Variants in SLC12A4 observed in about 807,000 individuals in gnomAD.
SLC12A4 encodes the protein electroneutral potassium-chloride cotransporter 1.
A neutral mutation model predicts 119.2 loss-of-function variants in SLC12A4; 84 were observed. That is an observed-to-expected ratio of 0.70 (90% CI 0.59 to 0.85). The LOEUF is 0.85. Ranked by LOEUF, SLC12A4 falls within the 40% of genes least tolerant of loss-of-function variation. SLC12A4 has a pLI of 0.00. For missense variants in SLC12A4, 1,298 were observed against 1,476.3 expected (o/e 0.88, Z 1.98); for synonymous variants, 599 against 604.6 (o/e 0.99, Z 0.14).
chr16:67,946,584 A>T lies in SLC12A4; in HGVS notation c.2291T>A (p.Val764Glu). The T allele has an allele frequency of 6.2e-6, 10 of 1,613,130 alleles. No homozygotes were observed. Among genetic ancestry groups the T allele is most frequent in the Non-Finnish European group, 8.5e-6 (10 of 1,179,978 alleles). Residue 764 changes from valine (V) to glutamate (E), a missense_variant, in exon 18 of 24, where the codon GTG becomes GAG. Physicochemically the swap from Val to Glu is moderately radical, Grantham distance 121. Transcript: ENST00000316341. ...EIEKVKGFCQVVVASKVREGL... is the reference protein window; with the variant it reads ...EIEKVKGFCQEVVASKVREGL... The stretch of plus-strand genomic sequence containing the variant: ...CTCCCGCACCTTGCTGGCCACCACC[A>T]CCTGGCAGAAGCCCTTCACCTTCTC...
rs774904892 is a variant in SLC12A4, at chr16:67,951,079, C to T, written c.1298-19G>A. 1.9e-6 allele frequency: 3 copies of T among 1,613,966 alleles called. No homozygotes were observed. Among genetic ancestry groups the T allele is most frequent in the Non-Finnish European group, 2.5e-6 (3 of 1,179,966 alleles). ...ATGATGCCTCCAAAAACAGATGAGACTCCCTCAGGGGCTCCCCGGGATTGG... is the reference window on the plus strand; with the variant it reads ...ATGATGCCTCCAAAAACAGATGAGATTCCCTCAGGGGCTCCCCGGGATTGG... On this transcript the variant is annotated intron_variant, in intron 9 of 23. Coordinates refer to ENST00000316341, the MANE Select transcript of SLC12A4 (RefSeq NM_005072.5). The surrounding 1 kb of genome is among the most constrained non-coding windows in gnomAD (Gnocchi z 5.2).
Position 67,951,539 on chromosome 16 carries a change from G to A in SLC12A4, c.1133-235C>T, listed in dbSNP as rs142464276. 12 of 611,250 alleles carry A rather than the reference G, an allele frequency of 2.0e-5. No individual in the cohort carries two copies. Among genetic ancestry groups the A allele is most frequent in the East Asian group, 8.3e-5 (3 of 36,064 alleles). 37.9% of individuals were successfully genotyped at this position (611,250 alleles called of 1,614,324 possible). On this transcript the variant is annotated intron_variant, in intron 8 of 23. Coordinates refer to ENST00000316341, the MANE Select transcript of SLC12A4 (RefSeq NM_005072.5). This position sits in a 1 kb window ranked among gnomAD's most constrained non-coding sequence, Gnocchi z 5.2. ...CGTCACCCAGAGCCCGCCACTGCCCGCCTTCCACAGAGGCCTTTATGGATC... is the reference window on the plus strand; with the variant it reads ...CGTCACCCAGAGCCCGCCACTGCCCACCTTCCACAGAGGCCTTTATGGATC...
Position 67,946,323 on chromosome 16 carries a change from T to C in SLC12A4, c.2455A>G (p.Thr819Ala), listed in dbSNP as rs758932250. Residue 819 changes from threonine (T) to alanine (A), a missense_variant, in exon 19 of 24, where the codon ACG becomes GCG. Thr to Ala is a moderately conservative substitution (Grantham distance 58, BLOSUM62 0). Transcript: ENST00000316341. ...ACGAGCAGGGCCAGGTGGGCAGCCG[T>C]AGTGCAGCGCACGGTGTCTGGGGAG... ...KTFIDTVRCT[T>A]AAHLALLVPK... 5.0e-6 allele frequency: 8 copies of C among 1,610,538 alleles called. No individual in the cohort carries two copies. The highest frequency in any genetic ancestry group is 6.8e-6 in the Non-Finnish European group (8 of 1,180,014).
Position 67,951,459 on chromosome 16 carries a change from CCA to C in SLC12A4, c.1133-157_1133-156del. 1 of 826,960 alleles carries C rather than the reference CCA, an allele frequency of 1.2e-6. No homozygotes were observed. The highest frequency in any genetic ancestry group is 1.8e-6 in the Non-Finnish European group (1 of 542,350). 51.2% of individuals were successfully genotyped at this position (826,960 alleles called of 1,614,324 possible). On this transcript the variant is annotated intron_variant, in intron 8 of 23. Coordinates refer to ENST00000316341, the MANE Select transcript of SLC12A4 (RefSeq NM_005072.5). This position sits in a 1 kb window ranked among gnomAD's most constrained non-coding sequence, Gnocchi z 5.2. ...AGCGTCAGCCACAGGGCTACCCTGA[CCA>C]CAGAGAAGGAGCTGCCCAGCTAGAA...
chr16:67,943,576 C>T lies in SLC12A4; in HGVS notation c.*1264G>A, dbSNP rs770268396. The T allele has an allele frequency of 5.9e-6, 3 of 506,284 alleles. No homozygotes were observed. The highest frequency in any genetic ancestry group is 1.1e-5 in the Non-Finnish European group (3 of 277,620). 31.4% of individuals were successfully genotyped at this position (506,284 alleles called of 1,614,324 possible). ...AGGGGCCGGGCATGGATGGGCCTCT[C>T]CTGCTCACCGATCCTGGGCTGGGCA... On this transcript the variant is annotated 3_prime_UTR_variant, in exon 24 of 24. Transcript: ENST00000316341. This position sits in a 1 kb window ranked among gnomAD's most constrained non-coding sequence, Gnocchi z 4.6.
At position 67,951,035 on chromosome 16, in the gene SLC12A4, A is replaced by AGAGCG; in HGVS notation, c.1318_1322dup (p.Gly442AlafsTer111). On this transcript the variant is annotated frameshift_variant, in exon 10 of 24. Transcript: ENST00000316341. LOFTEE classifies it high-confidence loss of function. The surrounding 1 kb of genome is among the most constrained non-coding windows in gnomAD (Gnocchi z 5.2). ...ACTTCTGGGCGTCACGAAGGTCCCC[A>AGAGCG]GAGCGGTTTGAGCCAGCCATGATGC... 6.2e-7 allele frequency: 1 copy of AGAGCG among 1,613,966 alleles called. No homozygotes were observed. Among genetic ancestry groups the AGAGCG allele is most frequent in the Non-Finnish European group, 8.5e-7 (1 of 1,179,998 alleles).
At chr16:67,958,910 G>T (rs879945684) in intron 3 of SLC12A4, among the ~76,000 whole-genome samples, 1 of 152,122 alleles carries the variant, frequency 6.6e-6, no homozygotes. Context: ...TTTGGCATCT[G>T]ATACTCCCTA....
At chr16:67,954,120 A>T (rs542954875) in intron 6 of SLC12A4, 2 of 407,436 alleles carry the variant, frequency 4.9e-6, no homozygotes, top group South Asian at 1.7e-5. Context: ...TCCCACTGGT[A>T]CGGCAGTTCA....
intron 3 of SLC12A4, 70 bp from the exon 4 acceptor site, chr16:67,958,114 C>T (rs1351216122): frequency 1.9e-6 from 3 of 1,540,708 alleles, no homozygotes; most frequent in Non-Finnish European, 2.6e-6. Flanking sequence ...CAGCCCTAGT[C>T]ACTCAGCAGG....
At chr16:67,952,491 GTT>G (rs1245921130) in intron 6 of SLC12A4, 66 bp from the exon 7 acceptor site, 37 of 1,592,438 alleles carry the variant, frequency 2.3e-5, no homozygotes, top group Non-Finnish European at 3.2e-5. Flanking sequence ...TGTCGTTTTG[GTT>G]TTCTTTTTAC....
chr16:67,946,507 A>G lies in SLC12A4; in HGVS notation c.2368T>C (p.Ser790Pro), dbSNP rs2058351929. ...SCGLGGMRHNSVVLGWPYGWR... is the reference protein window; with the variant it reads ...SCGLGGMRHNPVVLGWPYGWR... ...CCGTAGGGCCAGCCCAGCACCACGG[A>G]GTTATGCCGCATGCCTCCCAGGCCA... Residue 790 changes from serine (S) to proline (P), a missense_variant, in exon 18 of 24, where the codon TCC becomes CCC. Ser to Pro is a moderately conservative substitution (Grantham distance 74). Coordinates refer to ENST00000316341, the MANE Select transcript of SLC12A4 (RefSeq NM_005072.5). 6.2e-7 allele frequency: 1 copy of G among 1,609,544 alleles called. No homozygotes were observed. Among genetic ancestry groups the G allele is most frequent in the Admixed American group, 1.7e-5 (1 of 60,008 alleles).
intron 6 of SLC12A4, 25 bp from the exon 7 acceptor site, chr16:67,952,450 G>A: frequency 1.2e-6 from 2 of 1,611,022 alleles, no homozygotes; most frequent in East Asian, 2.2e-5. Flanking sequence ...TGGATAAGGA[G>A]GGTTTTATTT....
In SLC12A4 at chr16:67,957,921, T is replaced by C; in HGVS notation, c.466A>G (p.Ile156Val). 1 of 1,614,108 alleles carries C rather than the reference T, an allele frequency of 6.2e-7. No individual in the cohort carries two copies. The highest frequency in any genetic ancestry group is 1.1e-5 in the South Asian group (1 of 91,088). The change falls in exon 4 of 24, where the codon ATC becomes GTC. Residue 156 changes from isoleucine to valine, a missense_variant. Transcript: ENST00000316341. ...ACACAACAGCAGCAGATAAGCACGA[T>C]GAGGAGGGCCTGTAGCACACCTGCT... The part of the protein sequence containing the change: ...GTAGVLQALL[I>V]VLICCCCTLL...
chr16:67,945,509 G>C lies in SLC12A4; in HGVS notation c.2892C>G (p.Ser964Arg). The C allele has an allele frequency of 6.2e-7, 1 of 1,614,000 alleles. No individual in the cohort carries two copies. The highest frequency in any genetic ancestry group is 8.5e-7 in the Non-Finnish European group (1 of 1,180,008). The change falls in exon 22 of 24, where the codon AGC becomes AGG. Residue 964 changes from serine to arginine, a missense_variant. Ser to Arg is a moderately radical substitution (Grantham distance 110). Transcript: ENST00000316341. ...KDRHSALRLE[S>R]LYSDEEDESA... Reference sequence around the variant, plus strand: ...ACTCATCTTCCTCGTCCGAGTACAGGCTCTCCAGCCGCAGGGCCGAGTGCC... The same window carrying C: ...ACTCATCTTCCTCGTCCGAGTACAGCCTCTCCAGCCGCAGGGCCGAGTGCC...
Position 67,946,918 on chromosome 16 carries a change from C to T in SLC12A4, c.2241+19G>A, listed in dbSNP as rs549053083. 25 of 1,609,612 alleles carry T rather than the reference C, an allele frequency of 1.6e-5. No individual in the cohort carries two copies. In the South Asian group the frequency reaches 2.5e-4, roughly 16 times the overall value. On this transcript the variant is annotated intron_variant, in intron 17 of 23. Transcript: ENST00000316341. ...GACCCCTGTAGTCTGGCTCAGCTCT[C>T]CCTCCCCAAAGCAAGTACCTGCTCG... is the stretch of plus-strand genomic sequence containing the variant.
At chr16:67,961,039 A>G (rs1207547454) in intron 3 of SLC12A4, among the ~76,000 whole-genome samples, 1 of 151,260 alleles carries the variant, frequency 6.6e-6, no homozygotes, top group East Asian at 2.0e-4. Flanking sequence ...TCCTGGCTCC[A>G]AGGGCAACAC....
chr16:67,947,285 C>A, intron 16 of SLC12A4, 46 bp downstream of exon 16: 2 of 1,581,376 alleles, frequency 1.3e-6, no homozygotes, highest in African/African-American at 1.3e-5. Context: ...CCGACAGCGA[C>A]CCCTAAGAAC....
In SLC12A4 at chr16:67,957,799, G is replaced by A. The variant is rs375985478; in HGVS notation, c.490-3C>T. On this transcript the variant is annotated splice_polypyrimidine_tract_variant and splice_region_variant and intron_variant, in intron 4 of 23. Coordinates refer to ENST00000316341, the MANE Select transcript of SLC12A4 (RefSeq NM_005072.5). Reference sequence around the variant, plus strand: ...ATGGAGATGGCCGTCAGCAGGGTCTGTGGGAAGGAGGGCCTGGGTGAGCGG... The same window carrying A: ...ATGGAGATGGCCGTCAGCAGGGTCTATGGGAAGGAGGGCCTGGGTGAGCGG... 46 of 1,614,074 alleles carry A rather than the reference G, an allele frequency of 2.8e-5. No homozygotes were observed. Among genetic ancestry groups the A allele is most frequent in the Non-Finnish European group, 3.6e-5 (43 of 1,180,056 alleles).
rs1385760106 is a variant in SLC12A4 at position 67,949,076 on chromosome 16, C to T, written c.1748+724G>A. Among the ~76,000 whole-genome samples, 1 of 152,226 alleles carries T rather than the reference C, an allele frequency of 6.6e-6. No homozygotes were observed. The highest frequency in any genetic ancestry group is 1.9e-4 in the East Asian group (1 of 5,200). ...GCTGCCTCGGGGTCCCTGGGAGTCACCACATGCTGGCCACTCCCTGCAAGG... is the reference window on the plus strand; with the variant it reads ...GCTGCCTCGGGGTCCCTGGGAGTCATCACATGCTGGCCACTCCCTGCAAGG... On this transcript the variant is annotated intron_variant, in intron 13 of 23. Coordinates refer to ENST00000316341, the MANE Select transcript of SLC12A4 (RefSeq NM_005072.5). This position sits in a 1 kb window ranked among gnomAD's most constrained non-coding sequence, Gnocchi z 4.6.
Sources: allele counts gnomAD v4.1 joint callset (sites outside exome capture counted in the v4.1 genomes callset), GRCh38; gene constraint gnomAD v4.1.1; non-coding constraint Gnocchi (gnomAD v3.1); transcripts MANE v1.5; gene names NCBI Gene and HGNC (gene_info 2026-07-23, HGNC 2026-07-21).